Variants in BCAS4 observed in about 807,000 individuals in gnomAD.
The protein encoded by BCAS4 is breast carcinoma amplified sequence 4, also known as breast carcinoma-amplified sequence 4.
In BCAS4, 9 loss-of-function variants were observed where a neutral mutation model predicts 15.7. That is an observed-to-expected ratio of 0.57 (90% CI 0.34 to 1.00). The LOEUF (loss-of-function observed/expected upper bound fraction) is 1.00, where lower values mean the gene tolerates loss of function less well. BCAS4 is among the 50% of genes least tolerant of loss of function. BCAS4 has a pLI of 0.02. For missense variants in BCAS4, 225 were observed against 239.1 expected (o/e 0.94, Z 0.39); for synonymous variants, 101 against 99.5 (o/e 1.02, Z -0.09).
At chr20:50,881,295 C>T (rs1022335428), downstream of BCAS4, 11 of 152,112 alleles carry the variant, frequency 7.2e-5, 1 homozygote, top group African/African-American at 2.2e-4. Flanking sequence ...TGTACAAAAT[C>T]GAGAAGCCAT....
In BCAS4 at chr20:50,867,907, C is replaced by T. The variant is rs186169556; in HGVS notation, c.400-8579C>T. The stretch of plus-strand genomic sequence containing the variant: ...CCAGCCTGGATGACAGAGAGAGACT[C>T]CATCTCAAAAACAAACAAACAAAAA... On this transcript the variant is annotated intron_variant, in intron 4 of 4. Transcript: ENST00000371608. 2.4e-3 allele frequency among the ~76,000 whole-genome samples: 371 copies of T among 152,274 alleles called. 2 individuals are homozygous for T. The highest frequency in any genetic ancestry group is 7.8e-3 in the African/African-American group (324 of 41,566).
At chr20:50,825,894 A>C (rs1568664293) in intron 2 of BCAS4, among the ~76,000 whole-genome samples, 1 of 152,116 alleles carries the variant, frequency 6.6e-6, no homozygotes, top group Admixed American at 6.5e-5. Context: ...AAGAACAAAA[A>C]CAAAACTAAA....
chr20:50,831,826 G>A (rs991962510), intron 3 of BCAS4, among the ~76,000 whole-genome samples: 3 of 152,176 alleles, frequency 2.0e-5, no homozygotes, highest in Admixed American at 6.5e-5. Flanking sequence ...CAGAGGGAAC[G>A]TGAGCCCCTC....
At chr20:50,819,252 G>A (rs1489045576) in intron 2 of BCAS4, among the ~76,000 whole-genome samples, 1 of 152,118 alleles carries the variant, frequency 6.6e-6, no homozygotes, top group Admixed American at 6.5e-5. Context: ...CCAGCCAGGT[G>A]TGGAGCCCCC....
chr20:50,805,631 A>G (rs1037415101), intron 1 of BCAS4, among the ~76,000 whole-genome samples: 1 of 152,044 alleles, frequency 6.6e-6, no homozygotes, highest in Admixed American at 6.6e-5. Context: ...GCTGCTCTTT[A>G]TGACCCCACC....
rs1396710616 is a variant in BCAS4, at chr20:50,830,326, T to C, written c.210T>C (p.Leu70=). 1.2e-6 allele frequency: 2 copies of C among 1,613,992 alleles called. No homozygotes were observed. Among genetic ancestry groups the C allele is most frequent in the African/African-American group, 1.3e-5 (1 of 74,946 alleles). The change falls in exon 3 of 5, where the codon CTT becomes CTC. Residue 70 remains leucine, a synonymous_variant. Transcript: ENST00000371608. ...SQILEENIPV[L]KAKLTEMRGI... ...TCCTGGAGGAAAACATCCCAGTCCT[T>C]AAGGCCAAACTGACAGAAATGCGTG...
chr20:50,854,185 G>T (rs1480476336), intron 4 of BCAS4, among the ~76,000 whole-genome samples: 3 of 152,100 alleles, frequency 2.0e-5, no homozygotes, highest in Non-Finnish European at 4.4e-5. Context: ...GAGCCAAACA[G>T]TCCCGGGTTT....
At chr20:50,858,725 A>ATTT (rs58684022) in intron 4 of BCAS4, among the ~76,000 whole-genome samples, 7,637 of 117,578 alleles carry the variant, frequency 0.065, 499 homozygotes, top group Non-Finnish European at 0.088. Flanking sequence ...TTTTTCTTGA[A>ATTT]TTTTTTTTTT....
At chr20:50,842,716 C>T (rs2088500178) in intron 4 of BCAS4, among the ~76,000 whole-genome samples, 1 of 152,158 alleles carries the variant, frequency 6.6e-6, no homozygotes, top group South Asian at 2.1e-4. Context: ...CCGTGCCTGG[C>T]CAATCACCCT....
intron 3 of BCAS4, among the ~76,000 whole-genome samples, chr20:50,832,327 G>A (rs905604335): frequency 3.3e-5 from 5 of 151,624 alleles, no homozygotes; most frequent in African/African-American, 4.9e-5. Flanking sequence ...GCATGATCTC[G>A]GCTCTCTGCA....
chr20:50,843,619 G>T (rs1373405190), intron 4 of BCAS4, among the ~76,000 whole-genome samples: 1 of 152,228 alleles, frequency 6.6e-6, no homozygotes, highest in Non-Finnish European at 1.5e-5. Flanking sequence ...GCCCAAGCTT[G>T]TAACAGCTGG....
intron 1 of BCAS4, among the ~76,000 whole-genome samples, chr20:50,808,159 G>T (rs566776369): frequency 1.3e-5 from 2 of 152,024 alleles, no homozygotes; most frequent in Non-Finnish European, 2.9e-5. Flanking sequence ...TGATCCGCCC[G>T]CCTTGGCCTC....
chr20:50,857,636 G>A (rs1341954746), intron 4 of BCAS4, among the ~76,000 whole-genome samples: 1 of 152,190 alleles, frequency 6.6e-6, no homozygotes, highest in Admixed American at 6.5e-5. Flanking sequence ...AAGGGACTCT[G>A]CTCTCAATGC....
chr20:50,878,298 A>G (rs6126113), downstream of BCAS4: 75,386 of 151,168 alleles, frequency 0.5, 21,234 homozygotes, highest in African/African-American at 0.78. Context: ...GCCTCCCAGG[A>G]AGCTGGGATT....
intron 3 of BCAS4, among the ~76,000 whole-genome samples, chr20:50,831,106 C>T (rs2088338020): frequency 6.6e-6 from 1 of 152,006 alleles, no homozygotes; most frequent in Non-Finnish European, 1.5e-5. Flanking sequence ...TTTCCAGCCC[C>T]TGGGTTGCAT....
At chr20:50,871,257 C>T (rs766637042) in intron 4 of BCAS4, among the ~76,000 whole-genome samples, 6 of 152,206 alleles carry the variant, frequency 3.9e-5, no homozygotes, top group South Asian at 2.1e-4. Flanking sequence ...ACCCCTGAGA[C>T]ATAGCGACTC....
intron 3 of BCAS4, among the ~76,000 whole-genome samples, chr20:50,833,589 C>A (rs1251854668): frequency 1.3e-5 from 2 of 152,208 alleles, no homozygotes; most frequent in African/African-American, 2.4e-5. Context: ...CGTTTCAAAG[C>A]GCTGATCTAG....
intron 4 of BCAS4, among the ~76,000 whole-genome samples, chr20:50,861,671 C>T (rs906786983): frequency 6.6e-6 from 1 of 152,090 alleles, no homozygotes; most frequent in Non-Finnish European, 1.5e-5. Context: ...GGAGCGACTA[C>T]CCCAGCTCCC....
At chr20:50,829,921 A>G (rs2088323237) in intron 2 of BCAS4, among the ~76,000 whole-genome samples, 1 of 152,180 alleles carries the variant, frequency 6.6e-6, no homozygotes. Flanking sequence ...AATGCAATGA[A>G]AACTGGACTG....
Sources: allele counts gnomAD v4.1 joint callset (sites outside exome capture counted in the v4.1 genomes callset), GRCh38; gene constraint gnomAD v4.1.1; transcripts MANE v1.5; gene names NCBI Gene and HGNC (gene_info 2026-07-23, HGNC 2026-07-21).